NLRP4: variants seen among roughly 807,000 people sequenced by gnomAD.
NLRP4 encodes NLR family pyrin domain containing 4, also known as NACHT, LRR and PYD domains-containing protein 4.
NLRP4 carries 44 observed loss-of-function variants against 84.7 expected under a neutral mutation model. That is an observed-to-expected ratio of 0.52 (90% CI 0.41 to 0.67). The LOEUF is 0.67. Among genes scored for constraint, NLRP4 ranks in the 30% least tolerant of loss-of-function variants. The pLI, the probability that NLRP4 is intolerant of heterozygous loss-of-function variation, is 0.00. For synonymous variants in NLRP4, 544 were observed against 476.4 expected, an observed-to-expected ratio of 1.14 and a Z score of -1.85; for missense variants, 1,260 against 1,219.4, an observed-to-expected ratio of 1.03 and a Z score of -0.50.
intron 4 of NLRP4, 102 bp downstream of exon 4, chr19:55,861,649 C>A: frequency 1.8e-6 from 2 of 1,099,362 alleles, no homozygotes; most frequent in Non-Finnish European, 2.7e-6. Context: ...AAAGAATTAA[C>A]ATCCAGAGCA....
rs267605696 is a variant in NLRP4 at position 55,857,766 on chromosome 19, G to A, written c.373G>A (p.Glu125Lys). ...CACTGAGATTCACCTATACTTTGAG[G>A]AGGAAGTCAAGCAAGAAGAATGTGA... is the stretch of plus-strand genomic sequence containing the variant. ...SVTEIHLYFE[E>K]EVKQEECDHL... Residue 125 changes from glutamate to lysine, a missense_variant, in exon 3 of 10, where the codon GAG becomes AAG. Physicochemically the swap from Glu to Lys is moderately conservative, Grantham distance 56. Around this residue, in one of 3 missense-constraint regions of NLRP4, gnomAD observed 712 missense variants for 669.2 expected, o/e 1.06. Transcript: ENST00000301295. 1 of 1,614,070 alleles carries A rather than the reference G, an allele frequency of 6.2e-7. No homozygotes were observed. The highest frequency in any genetic ancestry group is 1.1e-5 in the South Asian group (1 of 91,076).
intron 2 of NLRP4, 81 bp downstream of exon 2, chr19:55,852,441 C>A: frequency 1.8e-5 from 13 of 742,284 alleles, no homozygotes; most frequent in Non-Finnish European, 2.7e-5. Flanking sequence ...TGCCTGTCTA[C>A]AACAGGACCT....
At chr19:55,848,074 T>A (rs10417674) in intron 1 of NLRP4, among the ~76,000 whole-genome samples, 2 of 152,118 alleles carry the variant, frequency 1.3e-5, no homozygotes, top group Non-Finnish European at 2.9e-5. Flanking sequence ...GTTTCATTGC[T>A]GTGTCTCCAT....
At chr19:55,876,626 C>T (rs1985382168) in intron 7 of NLRP4, among the ~76,000 whole-genome samples, 1 of 152,034 alleles carries the variant, frequency 6.6e-6, no homozygotes, top group Non-Finnish European at 1.5e-5. Context: ...GCCTCCCGAA[C>T]TGCTGGGATT....
At position 55,857,795 on chromosome 19, in the gene NLRP4, T is replaced by C; in HGVS notation, c.402T>C (p.His134=). 1 of 1,614,126 alleles carries C rather than the reference T, an allele frequency of 6.2e-7. No homozygotes were observed. Among genetic ancestry groups the C allele is most frequent in the South Asian group, 1.1e-5 (1 of 91,076 alleles). ...AAGTCAAGCAAGAAGAATGTGACCATTTGGACCGCCTTTTTGCTCCCAAGG... is the reference window on the plus strand; with the variant it reads ...AAGTCAAGCAAGAAGAATGTGACCACTTGGACCGCCTTTTTGCTCCCAAGG... The part of the protein sequence containing the change: ...EEEVKQEECD[H]LDRLFAPKEA... The change falls in exon 3 of 10, where the codon CAT becomes CAC. Residue 134 remains histidine (H), a synonymous_variant. Transcript: ENST00000301295.
In NLRP4 at chr19:55,855,133, C is replaced by A. The variant is rs1984361212; in HGVS notation, c.281-2541C>A. Reference sequence around the variant, plus strand: ...GCTGAGGCAGGAGGATCACTTCAGCCCAGGAGGATGAGGCTGCAGTGAGCT... The same window carrying A: ...GCTGAGGCAGGAGGATCACTTCAGCACAGGAGGATGAGGCTGCAGTGAGCT... On this transcript the variant is annotated intron_variant, in intron 2 of 9. Transcript: ENST00000301295. Among the ~76,000 whole-genome samples, 5 of 152,088 alleles carry A rather than the reference C, an allele frequency of 3.3e-5. No individual in the cohort carries two copies. The South Asian group carries it at 1.0e-3, about 32-fold the overall frequency.
intron 6 of NLRP4, among the ~76,000 whole-genome samples, chr19:55,868,723 AGT>A (rs1985058621): frequency 1.3e-5 from 2 of 152,182 alleles, no homozygotes; most frequent in South Asian, 4.2e-4. Flanking sequence ...GCTGGTCTCG[AGT>A]GTGTCTATTT....
chr19:55,853,223 T>C (rs2123021259), intron 2 of NLRP4, among the ~76,000 whole-genome samples: 1 of 152,368 alleles, frequency 6.6e-6, no homozygotes, highest in Admixed American at 6.5e-5. Context: ...TTGTTGTTGT[T>C]CAGTGTCTTA....
intron 1 of NLRP4, among the ~76,000 whole-genome samples, chr19:55,851,755 A>G (rs1984170046): frequency 6.7e-6 from 1 of 149,376 alleles, no homozygotes; most frequent in African/African-American, 2.6e-5. Flanking sequence ...AATTTCCAAA[A>G]ATGTAAAGTC....
intron 3 of NLRP4, among the ~76,000 whole-genome samples, chr19:55,860,265 G>A (rs932847392): frequency 8.5e-5 from 13 of 152,216 alleles, no homozygotes; most frequent in South Asian, 2.1e-4. Context: ...GATTACAGGC[G>A]TGAGCCACCG....
intron 7 of NLRP4, among the ~76,000 whole-genome samples, chr19:55,871,895 G>A (rs968262085): frequency 6.8e-6 from 1 of 146,800 alleles, no homozygotes; most frequent in East Asian, 2.0e-4. Flanking sequence ...GTCAGCCCAC[G>A]CTGAAGTACA....
chr19:55,852,118 G>T lies in NLRP4; in HGVS notation c.38G>T (p.Trp13Leu). ...ASFFSDFGLM[W>L]YLEELKKEEF... Reference sequence around the variant, plus strand: ...TTCTTCTCTGATTTTGGTCTTATGTGGTATCTGGAGGAGCTCAAAAAGGAG... The same window carrying T: ...TTCTTCTCTGATTTTGGTCTTATGTTGTATCTGGAGGAGCTCAAAAAGGAG... The change falls in exon 2 of 10, where the codon TGG becomes TTG. Residue 13 changes from tryptophan (W) to leucine (L), a missense_variant. By Grantham distance (61) the Trp-to-Leu change is moderately conservative (BLOSUM62 -2). Transcript: ENST00000301295. The T allele has an allele frequency of 6.2e-7, 1 of 1,602,418 alleles. No homozygotes were observed. The highest frequency in any genetic ancestry group is 8.5e-7 in the Non-Finnish European group (1 of 1,176,662).
In NLRP4 at chr19:55,858,315, T is replaced by C. The variant is rs778456655; in HGVS notation, c.922T>C (p.Leu308=). 1 of 1,613,944 alleles carries C rather than the reference T, an allele frequency of 6.2e-7. No individual in the cohort carries two copies. The highest frequency in any genetic ancestry group is 2.2e-5 in the East Asian group (1 of 44,878). ...CCGGGGATTCAACGAGAGTGATAGG[T>C]TAGTGTATTTCTGCTGTTTCTTCAA... ...QPRGFNESDR[L]VYFCCFFKDP... The change falls in exon 3 of 10, where the codon TTA becomes CTA. Residue 308 remains leucine (L), a synonymous_variant. Transcript: ENST00000301295. The surrounding 1 kb of genome is among the most constrained non-coding windows in gnomAD (Gnocchi z 4.2).
intron 3 of NLRP4, among the ~76,000 whole-genome samples, 170 bp from the exon 4 acceptor site, chr19:55,861,216 G>C (rs568410371): frequency 1.3e-5 from 2 of 152,326 alleles, no homozygotes; most frequent in East Asian, 3.9e-4. Context: ...ACCCCAGGTT[G>C]AGAACCACTA....
chr19:55,878,993 G>A, intron 9 of NLRP4, 29 bp downstream of exon 9: 2 of 1,577,494 alleles, frequency 1.3e-6, no homozygotes, highest in Non-Finnish European at 1.7e-6. Context: ...TGCTCTATGG[G>A]CAGAGTGCTC....
At chr19:55,871,171 C>T (rs891521523) in intron 7 of NLRP4, among the ~76,000 whole-genome samples, 174 bp downstream of exon 7, 1 of 152,172 alleles carries the variant, frequency 6.6e-6, no homozygotes, top group Non-Finnish European at 1.5e-5. Context: ...CAAATCAGCA[C>T]CCTGACTTCT....
At chr19:55,875,592 C>A (rs1985338456) in intron 7 of NLRP4, among the ~76,000 whole-genome samples, 1 of 152,036 alleles carries the variant, frequency 6.6e-6, no homozygotes, top group Admixed American at 6.5e-5. Flanking sequence ...AGTCAGTTTT[C>A]TGTAAGTTGA....
chr19:55,857,088 A>T (rs534910566), intron 2 of NLRP4, among the ~76,000 whole-genome samples: 2 of 152,224 alleles, frequency 1.3e-5, no homozygotes, highest in Non-Finnish European at 2.9e-5. Context: ...ATATGAAGAG[A>T]TTATTCCATA....
intron 1 of NLRP4, among the ~76,000 whole-genome samples, chr19:55,844,419 A>AGGC (rs1427555008): frequency 1.3e-5 from 2 of 152,150 alleles, no homozygotes; most frequent in Non-Finnish European, 2.9e-5. Context: ...CTGGGAAGAC[A>AGGC]GGCACATACC....
Sources: allele counts gnomAD v4.1 joint callset (sites outside exome capture counted in the v4.1 genomes callset), GRCh38; gene constraint gnomAD v4.1.1; regional missense constraint gnomAD v4.1.1; non-coding constraint Gnocchi (gnomAD v3.1); transcripts MANE v1.5; gene names NCBI Gene and HGNC (gene_info 2026-07-23, HGNC 2026-07-21).